The following ZNF93 variants were observed in gnomAD, a reference collection of about 807,000 sequenced individuals.
ZNF93 encodes zinc finger protein 505.
In ZNF93, 29 loss-of-function variants were observed where a neutral mutation model predicts 45.0. The ratio of observed to expected loss-of-function variants is 0.64; its 90% CI spans 0.48 to 0.88. The LOEUF (loss-of-function observed/expected upper bound fraction) is 0.88, where lower values mean the gene tolerates loss of function less well. Among genes scored for constraint, ZNF93 ranks in the 40% least tolerant of loss-of-function variants. The pLI is 0.00. For synonymous variants in ZNF93, 223 were observed against 244.6 expected, an observed-to-expected ratio of 0.91 and a Z score of 0.82; for missense variants, 578 against 724.0, an observed-to-expected ratio of 0.80 and a Z score of 2.31.
rs2063284947 is a variant in ZNF93 at position 19,904,000 on chromosome 19, A to G, written c.3+2909A>G. ...CTTGAACCCTGCAGGCAGAGGTTGC[A>G]GTGAACCGAGATTGCGCCGCTGCAC... On this transcript the variant is annotated intron_variant, in intron 1 of 3. Coordinates refer to ENST00000343769, the MANE Select transcript of ZNF93 (RefSeq NM_031218.4). Among the ~76,000 whole-genome samples, 3 of 151,350 alleles carry G rather than the reference A, an allele frequency of 2.0e-5. No homozygotes were observed. In the South Asian group the frequency reaches 6.3e-4, roughly 32 times the overall value.
intron 2 of ZNF93, among the ~76,000 whole-genome samples, chr19:19,915,802 G>A (rs1268682249): frequency 6.6e-6 from 1 of 152,074 alleles, no homozygotes; most frequent in Non-Finnish European, 1.5e-5. Context: ...AGATCGTGCC[G>A]TTGCACTCCA....
At chr19:19,909,868 G>T (rs1465408473) in intron 1 of ZNF93, among the ~76,000 whole-genome samples, 1 of 152,348 alleles carries the variant, frequency 6.6e-6, no homozygotes, top group Admixed American at 6.5e-5. Flanking sequence ...AAATATGCAC[G>T]TGGAATTTTG....
intron 3 of ZNF93, among the ~76,000 whole-genome samples, chr19:19,930,627 A>G (rs568400341): frequency 9.0e-4 from 134 of 149,282 alleles, no homozygotes; most frequent in African/African-American, 3.0e-3. Flanking sequence ...TCTGGGCATA[A>G]CAGAAGGCTC....
At chr19:19,917,801 C>T (rs2063328875) in intron 3 of ZNF93, among the ~76,000 whole-genome samples, 1 of 152,112 alleles carries the variant, frequency 6.6e-6, no homozygotes, top group Non-Finnish European at 1.5e-5. Context: ...CAGGCATGAG[C>T]CACCACGCCT....
intron 3 of ZNF93, among the ~76,000 whole-genome samples, chr19:19,931,028 TTC>T (rs2063372557): frequency 6.6e-6 from 1 of 151,834 alleles, no homozygotes; most frequent in Non-Finnish European, 1.5e-5. Context: ...ATTTTTTTCA[TTC>T]TGTTACTTTC....
At chr19:19,917,067 A>AT (rs939010151) in intron 3 of ZNF93, among the ~76,000 whole-genome samples, 1 of 151,786 alleles carries the variant, frequency 6.6e-6, no homozygotes, top group African/African-American at 2.4e-5. Flanking sequence ...TTTCTGTTGC[A>AT]TTTTTTTGTT....
At chr19:19,927,625 A>G (rs1362589372) in intron 3 of ZNF93, among the ~76,000 whole-genome samples, 1 of 152,242 alleles carries the variant, frequency 6.6e-6, no homozygotes, top group Non-Finnish European at 1.5e-5. Flanking sequence ...CACAAGGTTC[A>G]TCTAAAAAGG....
At chr19:19,932,080 C>A in intron 3 of ZNF93, 1 of 296,030 alleles carries the variant, frequency 3.4e-6, no homozygotes. Flanking sequence ...TCGAGACCAT[C>A]TGGCCAACAT....
intron 3 of ZNF93, chr19:19,932,475 T>G (rs2063377838): frequency 6.6e-6 from 1 of 152,202 alleles, no homozygotes; most frequent in Non-Finnish European, 1.5e-5. Context: ...TGGGTCACTT[T>G]ATTTTGCATA....
Position 19,914,689 on chromosome 19 carries a change from A to G in ZNF93, c.4-591A>G, listed in dbSNP as rs533911205. 3.0e-4 allele frequency: 79 copies of G among 259,752 alleles called. 1 individual carries two copies. The highest frequency in any genetic ancestry group is 2.4e-4 in the Non-Finnish European group (32 of 135,224). 16.1% of individuals were successfully genotyped at this position (259,752 alleles called of 1,614,324 possible). On this transcript the variant is annotated intron_variant, in intron 1 of 3. Coordinates refer to ENST00000343769, the MANE Select transcript of ZNF93 (RefSeq NM_031218.4). ...GTTGTCCTTTTTTCTTTTTTTTTCT[A>G]TATAGTTTTCTATGGAAGATGAAGG...
intron 3 of ZNF93, among the ~76,000 whole-genome samples, chr19:19,929,092 T>C (rs1431315371): frequency 6.6e-6 from 1 of 152,168 alleles, no homozygotes; most frequent in African/African-American, 2.4e-5. Context: ...AACCAAAAAG[T>C]TTACACTGTA....
intron 3 of ZNF93, among the ~76,000 whole-genome samples, chr19:19,922,621 G>A (rs1473942025): frequency 1.3e-5 from 2 of 152,080 alleles, no homozygotes; most frequent in Non-Finnish European, 2.9e-5. Context: ...ATATTTCTTG[G>A]AGGCTTTGTT....
chr19:19,916,695 A>T (rs775496320), intron 3 of ZNF93, 40 bp downstream of exon 3: 1 of 1,459,200 alleles, frequency 6.9e-7, no homozygotes, highest in Non-Finnish European at 9.4e-7. Context: ...ACAACACAGT[A>T]AGAGGTCCCA....
intron 3 of ZNF93, among the ~76,000 whole-genome samples, chr19:19,930,159 G>A (rs557417095): frequency 5.9e-5 from 9 of 152,080 alleles, no homozygotes; most frequent in Non-Finnish European, 1.2e-4. Flanking sequence ...TGGGTCACGT[G>A]TCCACTGGAC....
At chr19:19,921,841 G>T (rs1337142180) in intron 3 of ZNF93, among the ~76,000 whole-genome samples, 2 of 151,952 alleles carry the variant, frequency 1.3e-5, no homozygotes, top group Non-Finnish European at 2.9e-5. Context: ...GTGTGTCTCT[G>T]CATGTGAGAT....
In ZNF93 at chr19:19,934,123, G is replaced by A. The variant is rs62135329; in HGVS notation, c.1168G>A (p.Val390Ile). The A allele has an allele frequency of 0.046, 71,314 of 1,562,800 alleles. 2,007 individuals carry two copies. Among genetic ancestry groups the A allele is most frequent in the Non-Finnish European group, 0.053 (61,023 of 1,159,164 alleles). The change falls in exon 4 of 4, where the codon GTT (valine) becomes ATT (isoleucine). Residue 390 changes from valine to isoleucine, a missense_variant. This residue lies in a region of ZNF93 where 446 missense variants were observed against 547.6 expected (regional missense o/e 0.81). Coordinates refer to ENST00000343769, the MANE Select transcript of ZNF93 (RefSeq NM_031218.4). ...WSSVLTRHKRVHTGEKPYKCE... is the reference protein window; with the variant it reads ...WSSVLTRHKRIHTGEKPYKCE... ...CTCAGTCCTAACTAGACATAAGAGAGTTCATACTGGAGAGAAGCCCTACAA... is the reference window on the plus strand; with the variant it reads ...CTCAGTCCTAACTAGACATAAGAGAATTCATACTGGAGAGAAGCCCTACAA...
chr19:19,929,412 A>G (rs1308343119), intron 3 of ZNF93, among the ~76,000 whole-genome samples: 2 of 152,162 alleles, frequency 1.3e-5, no homozygotes, highest in Admixed American at 1.3e-4. Flanking sequence ...ATTTTCTATT[A>G]TTGCAAACTG....
intron 1 of ZNF93, among the ~76,000 whole-genome samples, chr19:19,903,392 T>C (rs909541198): frequency 6.6e-6 from 1 of 152,146 alleles, no homozygotes; most frequent in Non-Finnish European, 1.5e-5. Flanking sequence ...AGCTCAAAGT[T>C]CAGGAGCCTG....
intron 3 of ZNF93, among the ~76,000 whole-genome samples, chr19:19,921,338 T>G (rs2063342012): frequency 1.3e-5 from 2 of 152,324 alleles, no homozygotes; most frequent in South Asian, 4.1e-4. Flanking sequence ...CTTTTACATT[T>G]GCTGAGGAGT....
Sources: allele counts gnomAD v4.1 joint callset (sites outside exome capture counted in the v4.1 genomes callset), GRCh38; gene constraint gnomAD v4.1.1; regional missense constraint gnomAD v4.1.1; transcripts MANE v1.5; gene names NCBI Gene and HGNC (gene_info 2026-07-23, HGNC 2026-07-21).